The following GLMN variants were observed in gnomAD, a reference collection of about 807,000 sequenced individuals.
The protein encoded by GLMN is glomulin, FKBP associated protein.
In GLMN, 75 loss-of-function variants were observed where a neutral mutation model predicts 87.8. The observed-to-expected ratio is 0.85, with a 90% confidence interval of 0.71 to 1.04. The LOEUF (loss-of-function observed/expected upper bound fraction) is 1.04, where lower values mean the gene tolerates loss of function less well. GLMN is among the 50% of genes least tolerant of loss of function. The probability of loss-of-function intolerance (pLI) is 0.00; values close to 1 mark genes in which losing one functional copy is unlikely to be tolerated. For synonymous variants in GLMN, 206 were observed against 221.6 expected (o/e 0.93, Z 0.63); for missense variants, 588 against 658.8 (o/e 0.89, Z 1.18).
At chr1:92,262,736 GT>G (rs1655191172) in intron 16 of GLMN, 126 bp downstream of exon 16, 1 of 569,446 alleles carries the variant, frequency 1.8e-6, no homozygotes, top group Non-Finnish European at 3.3e-6. Context: ...CAGAATAATT[GT>G]TGGCACTCTT....
chr1:92,333,452 T>C, the GLMN span: 1 of 1,613,368 alleles, frequency 6.2e-7, no homozygotes, highest in Non-Finnish European at 8.5e-7. Context: ...AAACGCATCG[T>C]ACTTGAAAAG....
intron 7 of GLMN, among the ~76,000 whole-genome samples, chr1:92,285,657 C>T (rs1046089760): frequency 6.6e-6 from 1 of 152,070 alleles, no homozygotes; most frequent in Non-Finnish European, 1.5e-5. Context: ...CCCTTGCCCC[C>T]CTCTTGCTCT....
At chr1:92,271,146 A>T (rs1257246879) in intron 8 of GLMN, among the ~76,000 whole-genome samples, 1 of 152,242 alleles carries the variant, frequency 6.6e-6, no homozygotes, top group African/African-American at 2.4e-5. Context: ...GCAGTAATCC[A>T]GTGAAAAGAT....
chr1:92,250,925 C>A (rs1465541370), intron 16 of GLMN, among the ~76,000 whole-genome samples: 1 of 152,102 alleles, frequency 6.6e-6, no homozygotes, highest in Non-Finnish European at 1.5e-5. Flanking sequence ...AGTCATGTAA[C>A]CACTGCTGCT....
chr1:92,323,884 T>A, the GLMN span: 2 of 1,614,038 alleles, frequency 1.2e-6, no homozygotes, highest in South Asian at 1.1e-5. Context: ...ATACAGTAGG[T>A]CAGAAATAAC....
At chr1:92,341,142 G>C in the GLMN span, among the ~76,000 whole-genome samples, 2 of 151,980 alleles carry the variant, frequency 1.3e-5, no homozygotes, top group Non-Finnish European at 2.9e-5. Flanking sequence ...CTGAGTAGCT[G>C]GGACTACAGA....
intron 3 of GLMN, among the ~76,000 whole-genome samples, chr1:92,294,508 TTATAA>T (rs1649800563): frequency 6.6e-6 from 1 of 152,290 alleles, no homozygotes; most frequent in East Asian, 1.9e-4. Context: ...ACTACAACAA[TTATAA>T]TATACTGTAA....
chr1:92,248,253 G>A (rs964432923), intron 16 of GLMN: 4 of 326,680 alleles, frequency 1.2e-5, no homozygotes, highest in African/African-American at 6.5e-5. Flanking sequence ...TTTTATTTAT[G>A]AGAAAATTAT....
chr1:92,248,047 A>G, intron 16 of GLMN, 58 bp from the exon 17 acceptor site: 2 of 786,534 alleles, frequency 2.5e-6, no homozygotes, highest in South Asian at 2.8e-5. Flanking sequence ...GCCTACTATT[A>G]AACGCGATAA....
chr1:92,299,118 G>A, upstream of GLMN: 2 of 1,523,262 alleles, frequency 1.3e-6, no homozygotes, highest in Non-Finnish European at 1.8e-6. Flanking sequence ...GCAAGGCCGG[G>A]GCTCCCCGCT....
chr1:92,271,460 C>T lies in GLMN; in HGVS notation c.923+5G>A. ...TACATGAATAAACCAAACACTAACT[C>T]TTACCTTAAGACCATTGGAAGCTGA... is the stretch of plus-strand genomic sequence containing the variant. On this transcript the variant is annotated splice_donor_5th_base_variant and intron_variant, in intron 8 of 18. Coordinates refer to ENST00000370360, the MANE Select transcript of GLMN (RefSeq NM_053274.3). 6.2e-7 allele frequency: 1 copy of T among 1,606,592 alleles called. No individual in the cohort carries two copies. The highest frequency in any genetic ancestry group is 2.2e-5 in the East Asian group (1 of 44,828).
At chr1:92,341,100 C>G in the GLMN span, among the ~76,000 whole-genome samples, 1 of 152,060 alleles carries the variant, frequency 6.6e-6, no homozygotes, top group Admixed American at 6.6e-5. Context: ...CCTCTGCCTC[C>G]CAGTCTCAAG....
chr1:92,333,207 A>T, the GLMN span: 7 of 548,824 alleles, frequency 1.3e-5, no homozygotes, highest in Non-Finnish European at 2.3e-5. Context: ...AAATGACTCA[A>T]AGAAGTTCAC....
chr1:92,289,371 C>T (rs972149092), intron 5 of GLMN, among the ~76,000 whole-genome samples: 21 of 152,082 alleles, frequency 1.4e-4, no homozygotes, highest in Non-Finnish European at 5.9e-5. Flanking sequence ...ATGTTTATAA[C>T]AGACTATGTG....
Position 92,297,434 on chromosome 1 carries a change from T to C in GLMN, c.135A>G (p.Leu45=). Residue 45 remains leucine, a synonymous_variant, in exon 3 of 19, where the codon CTA becomes CTG. Transcript: ENST00000370360. ...RCIEEGHTDQ[L]LEIIQNEKNK... The stretch of plus-strand genomic sequence containing the variant: ...TCTTTTCATTTTGAATAATTTCTAA[T>C]AGCTGGTCTGTGTGCCCTTCTTCTA... 4 of 1,611,336 alleles carry C rather than the reference T, an allele frequency of 2.5e-6. No individual in the cohort carries two copies. The highest frequency in any genetic ancestry group is 3.4e-6 in the Non-Finnish European group (4 of 1,177,944).
At chr1:92,339,753 T>C in the GLMN span, among the ~76,000 whole-genome samples, 1 of 152,188 alleles carries the variant, frequency 6.6e-6, no homozygotes, top group South Asian at 2.1e-4. Context: ...CAGTGGCTCA[T>C]GTCTGTAATC....
At chr1:92,347,416 TA>T in the GLMN span, among the ~76,000 whole-genome samples, 2 of 152,188 alleles carry the variant, frequency 1.3e-5, no homozygotes, top group Non-Finnish European at 2.9e-5. Context: ...TGCAATTCAT[TA>T]TACTAAAGGG....
chr1:92,288,987 AAGG>A lies in GLMN; in HGVS notation c.556_558del (p.Pro186del), dbSNP rs779063700. ...TTGTTATCAATGACTTCTTCCACAAAAGGCTTAGTGAACTCTATTAAGGCCTTG... is the reference window on the plus strand; with the variant it reads ...TTGTTATCAATGACTTCTTCCACAAACTTAGTGAACTCTATTAAGGCCTTG... On this transcript the variant is annotated inframe_deletion, in exon 6 of 19. Transcript: ENST00000370360. The A allele has an allele frequency of 6.0e-5, 96 of 1,612,920 alleles. No homozygotes were observed. The highest frequency in any genetic ancestry group is 7.9e-5 in the Non-Finnish European group (93 of 1,179,026).
chr1:92,323,430 T>A, the GLMN span: 1 of 1,511,036 alleles, frequency 6.6e-7, no homozygotes, highest in South Asian at 1.3e-5. Flanking sequence ...ATTTTATTTC[T>A]CTTTCATTCT....
Sources: gnomAD v4.1 joint callset for allele counts (sites outside exome capture counted in the v4.1 genomes callset) on GRCh38, gnomAD v4.1.1 for gene constraint, MANE v1.5 for transcripts, NCBI Gene and HGNC (gene_info 2026-07-23, HGNC 2026-07-21) for gene names.